ADAM29: variants seen among roughly 807,000 people sequenced by gnomAD.
ADAM29 encodes the protein ADAM metallopeptidase domain 29.
For missense variants in ADAM29, 969 were observed against 1,001.8 expected, an observed-to-expected ratio of 0.97 and a Z score of 0.44; for synonymous variants, 367 against 342.3, an observed-to-expected ratio of 1.07 and a Z score of -0.80.
intron 4 of ADAM29, among the ~76,000 whole-genome samples, chr4:174,946,968 T>G (rs116356192): frequency 6.6e-6 from 1 of 152,194 alleles, no homozygotes; most frequent in Non-Finnish European, 1.5e-5. Context: ...TGGTTCAGTC[T>G]TGTGACATTG....
chr4:174,925,319 T>C (rs953917720), intron 2 of ADAM29, among the ~76,000 whole-genome samples: 5 of 151,784 alleles, frequency 3.3e-5, no homozygotes, highest in African/African-American at 1.2e-4. Context: ...ATGTTTCTAA[T>C]AGGAGAAAGT....
intron 3 of ADAM29, among the ~76,000 whole-genome samples, chr4:174,933,596 A>G (rs143951320): frequency 2.6e-5 from 4 of 152,226 alleles, no homozygotes; most frequent in Admixed American, 1.3e-4. Context: ...CTAGTACCCA[A>G]TAGTTATTTC....
intron 3 of ADAM29, among the ~76,000 whole-genome samples, chr4:174,933,951 C>T: frequency 6.6e-6 from 1 of 152,044 alleles, no homozygotes. Flanking sequence ...GTTCTTGTGT[C>T]TTTATAGGAG....
intron 4 of ADAM29, among the ~76,000 whole-genome samples, chr4:174,957,357 A>G (rs1252446856): frequency 6.6e-6 from 1 of 151,772 alleles, no homozygotes; most frequent in African/African-American, 2.4e-5. Context: ...TTATCTGGGT[A>G]CCTTAGATTT....
At chr4:174,948,568 C>T (rs770258619) in intron 4 of ADAM29, among the ~76,000 whole-genome samples, 16 of 152,238 alleles carry the variant, frequency 1.1e-4, no homozygotes, top group Middle Eastern at 3.4e-3. Flanking sequence ...GTACACTAGC[C>T]ACAACACTCC....
At chr4:174,939,984 CCCTA>C (rs1560869125) in intron 4 of ADAM29, among the ~76,000 whole-genome samples, 2 of 151,992 alleles carry the variant, frequency 1.3e-5, no homozygotes, top group African/African-American at 4.8e-5. Context: ...CTCCCTACCT[CCCTA>C]CCTTTCTCCA....
intron 3 of ADAM29, among the ~76,000 whole-genome samples, chr4:174,933,893 T>C (rs541612495): frequency 6.6e-6 from 1 of 152,324 alleles, no homozygotes; most frequent in East Asian, 1.9e-4. Flanking sequence ...GCATTTAGGT[T>C]AATTCTGTGT....
chr4:174,925,554 A>C (rs1196644862), intron 2 of ADAM29, among the ~76,000 whole-genome samples: 1 of 152,170 alleles, frequency 6.6e-6, no homozygotes, highest in East Asian at 1.9e-4. Flanking sequence ...TGATAGAGGA[A>C]GTCACTTTAA....
At position 174,977,377 on chromosome 4, in the gene ADAM29, A is replaced by G; in HGVS notation, c.1852A>G (p.Ile618Val). 1 of 1,613,888 alleles carries G rather than the reference A, an allele frequency of 6.2e-7. No homozygotes were observed. The highest frequency in any genetic ancestry group is 8.5e-7 in the Non-Finnish European group (1 of 1,180,038). The change falls in exon 5 of 5, where the codon ATA (isoleucine) becomes GTA (valine). Residue 618 changes from isoleucine to valine, a missense_variant. Physicochemically the swap from Ile to Val is conservative, Grantham distance 29. Coordinates refer to ENST00000359240, the MANE Select transcript of ADAM29 (RefSeq NM_014269.4). ...ATGCATCCACAGGCACTGTGTCCAT[A>G]TAACCATCTTGAATAGTAATTGCTC... ...HICIHRHCVH[I>V]TILNSNCSPA...
chr4:174,949,677 G>A (rs1343852911), intron 4 of ADAM29, among the ~76,000 whole-genome samples: 2 of 151,892 alleles, frequency 1.3e-5, no homozygotes. Context: ...CCGTATCACA[G>A]TCTCTTGGTG....
intron 4 of ADAM29, among the ~76,000 whole-genome samples, chr4:174,968,329 T>G (rs1746267624): frequency 6.6e-6 from 1 of 152,118 alleles, no homozygotes; most frequent in African/African-American, 2.4e-5. Flanking sequence ...CTTACTGTGT[T>G]TCAGACTACA....
intron 4 of ADAM29, among the ~76,000 whole-genome samples, chr4:174,966,260 G>A (rs1357928078): frequency 6.6e-6 from 1 of 152,096 alleles, no homozygotes; most frequent in Non-Finnish European, 1.5e-5. Context: ...TATGGATGTG[G>A]AACCCACAGA....
rs145247429 is a variant in ADAM29, at chr4:174,938,244, C to A, written c.-181+1231C>A. On this transcript the variant is annotated intron_variant, in intron 4 of 4. Coordinates refer to ENST00000359240, the MANE Select transcript of ADAM29 (RefSeq NM_014269.4). The stretch of plus-strand genomic sequence containing the variant: ...GAAATCTTGGGGCGGGGCAAGAAGT[C>A]TACTAGGTAGCATGAATTATGTGGA... Among the ~76,000 whole-genome samples, 409 of 152,106 alleles carry A rather than the reference C, an allele frequency of 2.7e-3. 1 individual carries two copies. Among genetic ancestry groups the A allele is most frequent in the Middle Eastern group, 6.8e-3 (2 of 294 alleles).
At position 174,918,409 on chromosome 4, in the gene ADAM29, A is replaced by G. The variant is rs936647292; in HGVS notation, c.-619A>G. 1.3e-5 allele frequency: 2 copies of G among 152,170 alleles called. No homozygotes were observed. Among genetic ancestry groups the G allele is most frequent in the Admixed American group, 1.3e-4 (2 of 15,258 alleles). The allele number at this position is 152,170 out of a possible 1,614,324, so 9.4% of individuals were successfully genotyped here. ...GGGTGGTGTGAGTATCTCCTATAAA[A>G]TAAAAGCTCTCCTGATGGCCTGTTC... On this transcript the variant is annotated 5_prime_UTR_variant, in exon 1 of 5. Transcript: ENST00000359240.
intron 4 of ADAM29, among the ~76,000 whole-genome samples, chr4:174,939,102 G>GC (rs1347858054): frequency 4.6e-5 from 7 of 152,066 alleles, no homozygotes; most frequent in Admixed American, 3.9e-4. Context: ...TTACTTATCT[G>GC]CAAAGAGTCT....
At position 174,975,090 on chromosome 4, in the gene ADAM29, T is replaced by C. The variant is rs1746683683; in HGVS notation, c.-180-256T>C. Among the ~76,000 whole-genome samples the C allele has an allele frequency of 2.0e-5, 3 of 152,336 alleles. 1 individual carries two copies. The South Asian group carries it at 6.2e-4, about 32-fold the overall frequency. ...ATTACATATTTAAAGAACTGTATAG[T>C]GAATCAATTTCCCACCGTTTATATT... On this transcript the variant is annotated intron_variant, in intron 4 of 4. Transcript: ENST00000359240.
intron 4 of ADAM29, among the ~76,000 whole-genome samples, chr4:174,974,765 C>T (rs544167429): frequency 1.3e-5 from 2 of 152,246 alleles, no homozygotes; most frequent in East Asian, 3.9e-4. Context: ...GAGGATCTTC[C>T]TGCTGACAAG....
intron 4 of ADAM29, among the ~76,000 whole-genome samples, chr4:174,947,450 T>C (rs1180390021): frequency 1.3e-5 from 2 of 152,206 alleles, no homozygotes; most frequent in Non-Finnish European, 2.9e-5. Flanking sequence ...GTATCATAGT[T>C]TTCATTAGTT....
chr4:174,959,757 TTAA>T (rs1365911126), intron 4 of ADAM29, among the ~76,000 whole-genome samples: 1 of 151,972 alleles, frequency 6.6e-6, no homozygotes, highest in African/African-American at 2.4e-5. Context: ...TATTATTTTC[TTAA>T]TAGTGTTGAG....
Sources: gnomAD v4.1 joint callset for allele counts (sites outside exome capture counted in the v4.1 genomes callset) on GRCh38, gnomAD v4.1.1 for gene constraint, MANE v1.5 for transcripts, NCBI Gene and HGNC (gene_info 2026-07-23, HGNC 2026-07-21) for gene names.